Variants in NRXN2 observed in about 807,000 individuals in gnomAD.
NRXN2 encodes neurexin 2.
Under a neutral mutation model 128.8 loss-of-function variants are expected in NRXN2, and 29 were observed. That is an observed-to-expected ratio of 0.23 (90% confidence interval 0.17 to 0.31). The LOEUF (loss-of-function observed/expected upper bound fraction) is 0.31, where lower values mean the gene tolerates loss of function less well. NRXN2 is among the 10% of genes least tolerant of loss of function. The pLI, the probability that NRXN2 is intolerant of heterozygous loss-of-function variation, is 1.00. For synonymous variants in NRXN2, 1,098 were observed against 1,075.2 expected (o/e 1.02, Z -0.41); for missense variants, 1,881 against 2,452.6 (o/e 0.77, Z 4.92).
At chr11:64,694,429 G>A (rs551971423) in intron 3 of NRXN2, among the ~76,000 whole-genome samples, 40 of 152,360 alleles carry the variant, frequency 2.6e-4, no homozygotes, top group African/African-American at 9.4e-4. Flanking sequence ...GCAGTGAGGA[G>A]GACAGGAAGG....
rs191994407 is a variant in NRXN2 at position 64,694,600 on chromosome 11, G to T, written c.749-1724C>A. ...CTGAGGGCAGCCTCAGGACTGAACA[G>T]CTCTTGGGAGGATGTAGGTTTTTAT... On this transcript the variant is annotated intron_variant, in intron 3 of 22. Coordinates refer to ENST00000265459, the MANE Select transcript of NRXN2 (RefSeq NM_015080.4). 5.2e-4 allele frequency among the ~76,000 whole-genome samples: 79 copies of T among 152,296 alleles called. No individual in the cohort carries two copies. In the East Asian group the frequency reaches 0.014, roughly 28 times the overall value.
intron 22 of NRXN2, among the ~76,000 whole-genome samples, chr11:64,610,789 G>A (rs554355282): frequency 3.9e-5 from 6 of 152,188 alleles, no homozygotes; most frequent in Non-Finnish European, 8.8e-5. Context: ...CAGGAGGGTT[G>A]GCAGCCTCTC....
Position 64,660,967 on chromosome 11 carries a change from A to G in NRXN2, c.1971T>C (p.Cys657=). ...GCCCATCTATGAAGAGGTCCCGCAC[A>G]CAGCCCACGTAGCCTGCCCGGAGTG... ...TAALRAGYVG[C]VRDLFIDGRS... is the part of the protein sequence containing the mutation. Residue 657 remains cysteine, a synonymous_variant, in exon 10 of 23, where the codon TGT becomes TGC. Coordinates refer to ENST00000265459, the MANE Select transcript of NRXN2 (RefSeq NM_015080.4). This position sits in a 1 kb window ranked among gnomAD's most constrained non-coding sequence, Gnocchi z 5.2. 6.2e-7 allele frequency: 1 copy of G among 1,613,868 alleles called. No individual in the cohort carries two copies. Among genetic ancestry groups the G allele is most frequent in the South Asian group, 1.1e-5 (1 of 91,086 alleles).
At chr11:64,643,246 G>A (rs2046038096) in intron 17 of NRXN2, 1 of 979,428 alleles carries the variant, frequency 1.0e-6, no homozygotes, top group Admixed American at 6.3e-5. Context: ...GGAGAGAAGA[G>A]GGACGGAGAC....
Position 64,608,083 on chromosome 11 carries a change from C to A in NRXN2, c.4253-1G>T. 1 of 1,584,374 alleles carries A rather than the reference C, an allele frequency of 6.3e-7. No individual in the cohort carries two copies. The highest frequency in any genetic ancestry group is 1.7e-5 in the Admixed American group (1 of 58,512). On this transcript the variant is annotated splice_acceptor_variant, in intron 22 of 22. Coordinates refer to ENST00000265459, the MANE Select transcript of NRXN2 (RefSeq NM_015080.4). LOFTEE classifies it high-confidence loss of function. The stretch of plus-strand genomic sequence containing the variant: ...ATAATGGGCAATATTAACTCTCCTC[C>A]TAGAACAAGAGAGAGAAGAGAAAAG...
chr11:64,709,499 G>C (rs1048314944), intron 2 of NRXN2, among the ~76,000 whole-genome samples: 1 of 152,060 alleles, frequency 6.6e-6, no homozygotes, highest in Non-Finnish European at 1.5e-5. Flanking sequence ...GTTGCAGAGT[G>C]GGGAGAGAAA....
chr11:64,713,262 C>G lies in NRXN2; in HGVS notation c.438G>C (p.Val146=). 1 of 1,429,446 alleles carries G rather than the reference C, an allele frequency of 7.0e-7. No homozygotes were observed. Among genetic ancestry groups the G allele is most frequent in the Non-Finnish European group, 9.2e-7 (1 of 1,092,022 alleles). The allele number at this position is 1,429,446 out of a possible 1,614,324, so 88.5% of individuals were successfully genotyped here. The change falls in exon 2 of 23, where the codon GTG becomes GTC. Residue 146 remains valine, a synonymous_variant. Transcript: ENST00000265459. ...EVRSKRREMQ[V]ASDLFVGGIP... ...TGCCGCCCACGAACAGGTCGCTGGC[C>G]ACCTGCATCTCGCGCCGCTTGGAGC...
At chr11:64,618,718 A>G (rs1033756984) in intron 22 of NRXN2, among the ~76,000 whole-genome samples, 5 of 152,160 alleles carry the variant, frequency 3.3e-5, no homozygotes, top group Non-Finnish European at 7.4e-5. Flanking sequence ...AACAGCACTC[A>G]GCAGAGGGGC....
Position 64,635,174 on chromosome 11 carries a change from G to T in NRXN2, c.3585+97C>A. 2 of 1,396,470 alleles carry T rather than the reference G, an allele frequency of 1.4e-6. No homozygotes were observed. Among genetic ancestry groups the T allele is most frequent in the South Asian group, 1.2e-5 (1 of 85,358 alleles). 86.5% of individuals were successfully genotyped at this position (1,396,470 alleles called of 1,614,324 possible). ...CAGAGGTTCTGAGGGTTCCCCATGAGGGAAGACTTGAGGTGCTGATCCCAT... is the reference window on the plus strand; with the variant it reads ...CAGAGGTTCTGAGGGTTCCCCATGATGGAAGACTTGAGGTGCTGATCCCAT... On this transcript the variant is annotated intron_variant, in intron 18 of 22. Coordinates refer to ENST00000265459, the MANE Select transcript of NRXN2 (RefSeq NM_015080.4). This position sits in a 1 kb window ranked among gnomAD's most constrained non-coding sequence, Gnocchi z 4.8.
chr11:64,694,418 G>C (rs531775301), intron 3 of NRXN2, among the ~76,000 whole-genome samples: 36 of 152,380 alleles, frequency 2.4e-4, no homozygotes, highest in Non-Finnish European at 4.6e-4. Flanking sequence ...TAAGAGGAAA[G>C]GCAGTGAGGA....
At position 64,681,433 on chromosome 11, in the gene NRXN2, G is replaced by A. The variant is rs1023566035; in HGVS notation, c.1152+4213C>T. On this transcript the variant is annotated intron_variant, in intron 6 of 22. Transcript: ENST00000265459. ...AGACGGCTCAAATACACGTTTCCAA[G>A]GGCTCAAAGAACATAGCAAAGAAGG... Among the ~76,000 whole-genome samples, 32 of 152,128 alleles carry A rather than the reference G, an allele frequency of 2.1e-4. 2 individuals are homozygous for A. The highest frequency in any genetic ancestry group is 2.0e-3 in the Admixed American group (31 of 15,282).
intron 17 of NRXN2, among the ~76,000 whole-genome samples, chr11:64,637,954 C>A (rs891962136): frequency 2.6e-5 from 4 of 152,184 alleles, no homozygotes; most frequent in Non-Finnish European, 5.9e-5. Context: ...AGCGCCCAAG[C>A]CCCAGGCCCC....
chr11:64,651,347 G>T lies in NRXN2; in HGVS notation c.2826C>A (p.Leu942=). 1 of 1,614,232 alleles carries T rather than the reference G, an allele frequency of 6.2e-7. No individual in the cohort carries two copies. The highest frequency in any genetic ancestry group is 8.5e-7 in the Non-Finnish European group (1 of 1,180,026). The part of the protein sequence containing the change: ...ATLQAYASMH[L]FFQFKTTAPD... ...GGGCCGTGGTCTTGAACTGGAAGAA[G>T]AGGTGCATGGAAGCATAGGCTTGGA... Residue 942 remains leucine, a synonymous_variant, in exon 14 of 23, where the codon CTC becomes CTA. Transcript: ENST00000265459. The surrounding 1 kb of genome is among the most constrained non-coding windows in gnomAD (Gnocchi z 5.9).
At chr11:64,614,575 A>G (rs944342942) in intron 22 of NRXN2, among the ~76,000 whole-genome samples, 1 of 152,252 alleles carries the variant, frequency 6.6e-6, no homozygotes, top group African/African-American at 2.4e-5. Flanking sequence ...CCCAGAGAGC[A>G]GAATCTCTCC....
intron 9 of NRXN2, among the ~76,000 whole-genome samples, chr11:64,662,842 T>G (rs968761027): frequency 9.2e-5 from 14 of 151,768 alleles, no homozygotes; most frequent in Non-Finnish European, 1.6e-4. Flanking sequence ...TCAATCTCTC[T>G]CCTCACGCAA....
chr11:64,693,076 GAGGGGCCCGATGCCGA>G (rs2054041222), intron 3 of NRXN2, among the ~76,000 whole-genome samples, 200 bp from the exon 4 acceptor site: 2 of 151,944 alleles, frequency 1.3e-5, no homozygotes, highest in South Asian at 4.1e-4. Context: ...GAGCTGAGGA[GAGGGGCCCGATGCCGA>G]AACAGCGGGT....
chr11:64,684,590 T>C (rs201313731), intron 6 of NRXN2, among the ~76,000 whole-genome samples: 3 of 150,928 alleles, frequency 2.0e-5, no homozygotes, highest in Non-Finnish European at 3.0e-5. Context: ...TGGTGTGAAA[T>C]GAGAACAGGT....
At chr11:64,694,955 A>G (rs1297712079) in intron 3 of NRXN2, among the ~76,000 whole-genome samples, 10 of 151,862 alleles carry the variant, frequency 6.6e-5, no homozygotes, top group Admixed American at 5.9e-4. Context: ...AGACCCTTCC[A>G]CTGCCCAGCT....
intron 1 of NRXN2, among the ~76,000 whole-genome samples, chr11:64,715,524 C>A (rs1477725671): frequency 3.9e-5 from 6 of 152,106 alleles, no homozygotes; most frequent in Non-Finnish European, 7.4e-5. Flanking sequence ...CCTAAAAAAC[C>A]ATAGTGAGGG....
Sources: allele counts gnomAD v4.1 joint callset (sites outside exome capture counted in the v4.1 genomes callset), GRCh38; gene constraint gnomAD v4.1.1; non-coding constraint Gnocchi (gnomAD v3.1); transcripts MANE v1.5; gene names NCBI Gene and HGNC (gene_info 2026-07-23, HGNC 2026-07-21).